The following CLCN3 variants were observed in gnomAD, a reference collection of about 807,000 sequenced individuals.
CLCN3 encodes Cl-/H+ antiporter 3.
A neutral mutation model predicts 83.4 loss-of-function variants in CLCN3; 16 were observed. The ratio of observed to expected loss-of-function variants is 0.19; its 90% CI spans 0.13 to 0.29. The LOEUF (loss-of-function observed/expected upper bound fraction) is 0.29, where lower values mean the gene tolerates loss of function less well. CLCN3 is among the 10% of genes least tolerant of loss of function. The pLI is 1.00. For synonymous variants in CLCN3, 322 were observed against 346.2 expected (o/e 0.93, Z 0.78); for missense variants, 544 against 1,006.0 (o/e 0.54, Z 6.21).
chr4:169,655,328 A>G (rs924173840), intron 2 of CLCN3, among the ~76,000 whole-genome samples: 4 of 152,248 alleles, frequency 2.6e-5, no homozygotes, highest in African/African-American at 9.6e-5. Flanking sequence ...TTGGATTTAA[A>G]TATTTCTAAA....
At chr4:169,658,676 A>C (rs1730957340) in intron 2 of CLCN3, among the ~76,000 whole-genome samples, 1 of 152,094 alleles carries the variant, frequency 6.6e-6, no homozygotes, top group South Asian at 2.1e-4. Context: ...TGCAGGAAGG[A>C]GCATAGGAGA....
chr4:169,676,650 A>ATTTTTTTTT (rs557077180), intron 2 of CLCN3, among the ~76,000 whole-genome samples: 9 of 128,240 alleles, frequency 7.0e-5, no homozygotes, highest in South Asian at 2.5e-4. Flanking sequence ...CATGCCCAGC[A>ATTTTTTTTT]TTTTTTTTTT....
chr4:169,643,544 T>C (rs1051548425), intron 2 of CLCN3, among the ~76,000 whole-genome samples: 36 of 152,082 alleles, frequency 2.4e-4, no homozygotes, highest in Non-Finnish European at 7.4e-5. Flanking sequence ...AATAATTTTT[T>C]TAAAAAAATT....
intron 2 of CLCN3, among the ~76,000 whole-genome samples, chr4:169,652,735 A>C (rs906989141): frequency 6.6e-6 from 1 of 152,150 alleles, no homozygotes; most frequent in Non-Finnish European, 1.5e-5. Flanking sequence ...AATGTATGAG[A>C]GCTTCCATTG....
chr4:169,626,941 G>A (rs1194196871), intron 1 of CLCN3, among the ~76,000 whole-genome samples: 1 of 152,124 alleles, frequency 6.6e-6, no homozygotes, highest in Non-Finnish European at 1.5e-5. Flanking sequence ...CCTATCTTAC[G>A]TTTAGAATTG....
At chr4:169,647,297 G>A (rs1207237539) in intron 2 of CLCN3, among the ~76,000 whole-genome samples, 2 of 152,100 alleles carry the variant, frequency 1.3e-5, no homozygotes, top group Non-Finnish European at 1.5e-5. Flanking sequence ...GGCTGAGATG[G>A]GAAGATCACT....
chr4:169,678,276 T>C (rs1313465616), intron 2 of CLCN3, among the ~76,000 whole-genome samples: 3 of 152,250 alleles, frequency 2.0e-5, no homozygotes, highest in East Asian at 3.8e-4. Flanking sequence ...AGGTGACTAT[T>C]ATGCAGGCTA....
intron 3 of CLCN3, among the ~76,000 whole-genome samples, chr4:169,683,943 A>G (rs1255447449): frequency 6.6e-6 from 1 of 152,120 alleles, no homozygotes; most frequent in Non-Finnish European, 1.5e-5. Context: ...TGGTTTCGCC[A>G]TGTTGGCCAG....
chr4:169,702,144 C>T (rs767397961), intron 9 of CLCN3, among the ~76,000 whole-genome samples: 22 of 152,164 alleles, frequency 1.4e-4, no homozygotes, highest in Non-Finnish European at 2.4e-4. Flanking sequence ...CTGATGCTGG[C>T]TGCAACCAAT....
At position 169,636,024 on chromosome 4, in the gene CLCN3, A is replaced by G. The variant is rs1773492323; in HGVS notation, c.96A>G (p.Ala32=). The part of the protein sequence containing the change: ...ASSDEELLDG[A]GVIMDFQTSE... ...GTGATGAGGAACTTTTAGATGGAGC[A>G]GGTGTTATTATGGACTTTCAAACAT... The change falls in exon 2 of 13, where the codon GCA becomes GCG. Residue 32 remains alanine, a synonymous_variant. Coordinates refer to ENST00000513761, the MANE Select transcript of CLCN3 (RefSeq NM_001829.4). The G allele has an allele frequency of 6.2e-7, 1 of 1,613,554 alleles. No homozygotes were observed. Among genetic ancestry groups the G allele is most frequent in the Non-Finnish European group, 8.5e-7 (1 of 1,179,640 alleles).
chr4:169,677,025 A>G (rs1402857190), intron 2 of CLCN3, among the ~76,000 whole-genome samples: 1 of 151,938 alleles, frequency 6.6e-6, no homozygotes. Flanking sequence ...CAGTCCCAAG[A>G]TTTCTTTCTT....
chr4:169,628,385 A>G (rs1194093216), intron 1 of CLCN3, among the ~76,000 whole-genome samples: 2 of 152,182 alleles, frequency 1.3e-5, no homozygotes, highest in Non-Finnish European at 2.9e-5. Flanking sequence ...TAGAGAGGGG[A>G]GAAAATATTT....
At chr4:169,626,976 G>C (rs934492593) in intron 1 of CLCN3, among the ~76,000 whole-genome samples, 1 of 152,144 alleles carries the variant, frequency 6.6e-6, no homozygotes, top group South Asian at 2.1e-4. Context: ...CTCATCTCCA[G>C]CTTCTCTATC....
chr4:169,687,544 T>C, intron 3 of CLCN3, 114 bp from the exon 4 acceptor site: 1 of 607,504 alleles, frequency 1.6e-6, no homozygotes, highest in South Asian at 2.6e-5. Flanking sequence ...TTTTCCATTA[T>C]TTAGTTCTGA....
chr4:169,644,488 C>T (rs983114794), intron 2 of CLCN3, among the ~76,000 whole-genome samples: 14 of 152,068 alleles, frequency 9.2e-5, no homozygotes, highest in South Asian at 6.2e-4. Context: ...GTGATCCGCC[C>T]GCCTCAGCCT....
At chr4:169,674,716 TGC>T in intron 2 of CLCN3, among the ~76,000 whole-genome samples, 1 of 152,290 alleles carries the variant, frequency 6.6e-6, no homozygotes, top group Non-Finnish European at 1.5e-5. Context: ...GAAATCAGTG[TGC>T]CACTCTCCTT....
At chr4:169,662,146 G>C in intron 2 of CLCN3, among the ~76,000 whole-genome samples, 1 of 151,986 alleles carries the variant, frequency 6.6e-6, no homozygotes, top group East Asian at 1.9e-4. Context: ...GAGTAGGCAT[G>C]GTTACTGATA....
At chr4:169,644,750 T>A (rs1370509753) in intron 2 of CLCN3, among the ~76,000 whole-genome samples, 1 of 152,250 alleles carries the variant, frequency 6.6e-6, no homozygotes, top group Non-Finnish European at 1.5e-5. Flanking sequence ...TAAAATGGAC[T>A]TTGTGATTAA....
rs149013681 is a variant in CLCN3 at position 169,648,080 on chromosome 4, A to G, written c.160+11992A>G. Among the ~76,000 whole-genome samples, 412 of 152,358 alleles carry G rather than the reference A, an allele frequency of 2.7e-3. 2 individuals are homozygous for G. The highest frequency in any genetic ancestry group is 4.2e-3 in the Non-Finnish European group (287 of 68,034). On this transcript the variant is annotated intron_variant, in intron 2 of 12. Transcript: ENST00000513761. ...TAGTCAAGATCATGAAAACTAGGAA[A>G]GACTGAAAAACTAAGACCGAAGGAG...
Sources: allele counts gnomAD v4.1 joint callset (sites outside exome capture counted in the v4.1 genomes callset), GRCh38; gene constraint gnomAD v4.1.1; transcripts MANE v1.5; gene names NCBI Gene and HGNC (gene_info 2026-07-23, HGNC 2026-07-21).